RTL1: variants seen among roughly 807,000 people sequenced by gnomAD.
RTL1 encodes retrotransposon Gag like 1, also known as retrotransposon-like protein 1.
For synonymous variants in RTL1, 727 were observed against 748.4 expected (o/e 0.97, Z 0.47); for missense variants, 1,681 against 1,767.5 (o/e 0.95, Z 0.88).
At chr14:100,886,554 A>G (rs146415967) in intron 3 of RTL1, among the ~76,000 whole-genome samples, 2 of 152,318 alleles carry the variant, frequency 1.3e-5, no homozygotes, top group African/African-American at 4.8e-5. Flanking sequence ...AAAGCACAGT[A>G]TACAAATCAG....
chr14:100,884,093 A>G lies in RTL1; in HGVS notation c.696T>C (p.Tyr232=). Residue 232 remains tyrosine, a synonymous_variant, in exon 4 of 4, where the codon TAT becomes TAC. Coordinates refer to ENST00000649591, the MANE Select transcript of RTL1 (RefSeq NM_001134888.3). ...LTLQSYPRMF[Y]NDRLRVGYVI... Reference sequence around the variant, plus strand: ...CATAGCCAACTCTCAGACGGTCGTTATAGAACATTCTTGGGTAGCTCTGTA... The same window carrying G: ...CATAGCCAACTCTCAGACGGTCGTTGTAGAACATTCTTGGGTAGCTCTGTA... 1 of 1,551,706 alleles carries G rather than the reference A, an allele frequency of 6.4e-7. No individual in the cohort carries two copies. The highest frequency in any genetic ancestry group is 8.7e-7 in the Non-Finnish European group (1 of 1,146,990).
chr14:100,894,635 C>T (rs562449836), intron 2 of RTL1: 1 of 152,436 alleles, frequency 6.6e-6, no homozygotes, highest in African/African-American at 2.4e-5. Context: ...GGCAAGGGCT[C>T]AGAGAGGCAA....
rs1171671819 is a variant in RTL1 at position 100,880,988 on chromosome 14, G to A, written c.3801C>T (p.Ala1267=). ...QDKQDNDVQE[A]PPSHTAATHP... Reference sequence around the variant, plus strand: ...GGGTGGCTGCTGTGTGGCTGGGTGGGGCCTCCTGCACGTCGTTGTCCTGCT... The same window carrying A: ...GGGTGGCTGCTGTGTGGCTGGGTGGAGCCTCCTGCACGTCGTTGTCCTGCT... The change falls in exon 4 of 4, where the codon GCC becomes GCT. Residue 1267 remains alanine (A), a synonymous_variant. Transcript: ENST00000649591. The A allele has an allele frequency of 6.4e-7, 1 of 1,561,978 alleles. No homozygotes were observed. The highest frequency in any genetic ancestry group is 1.2e-5 in the South Asian group (1 of 84,824).
chr14:100,892,988 T>G (rs1329563085), intron 3 of RTL1, among the ~76,000 whole-genome samples: 1 of 151,798 alleles, frequency 6.6e-6, no homozygotes, highest in Non-Finnish European at 1.5e-5. Context: ...AAAGCCAGGT[T>G]TCTCCTGGGC....
At position 100,884,894 on chromosome 14, in the gene RTL1, G is replaced by T; in HGVS notation, c.-86-20C>A. The T allele has an allele frequency of 9.3e-7, 1 of 1,074,884 alleles. No individual in the cohort carries two copies. The highest frequency in any genetic ancestry group is 1.3e-6 in the Non-Finnish European group (1 of 753,666). The allele number at this position is 1,074,884 out of a possible 1,614,324, so 66.6% of individuals were successfully genotyped here. On this transcript the variant is annotated intron_variant, in intron 3 of 3. Transcript: ENST00000649591. ...CAGAACCTGGTGGTGGAAGGGGAGT[G>T]TGGGGAGTAAAGGCAGTAGTTTAGG...
Position 100,884,147 on chromosome 14 carries a change from G to A in RTL1, c.642C>T (p.His214=), listed in dbSNP as rs1042185876. The A allele has an allele frequency of 2.3e-5, 35 of 1,551,608 alleles. No homozygotes were observed. The highest frequency in any genetic ancestry group is 2.6e-5 in the Non-Finnish European group (30 of 1,146,994). The part of the protein sequence containing the change: ...KHFSGDRREF[H]EFIVLCQLTL... ...TCAGTTGGCAGAGTACGATGAACTC[G>A]TGGAATTCTCTGCGATCGCCAGAGA... The change falls in exon 4 of 4, where the codon CAC becomes CAT. Residue 214 remains histidine (H), a synonymous_variant. Transcript: ENST00000649591.
In RTL1 at chr14:100,880,035, C is replaced by T. The variant is rs902121550; in HGVS notation, c.*677G>A. The stretch of plus-strand genomic sequence containing the variant: ...GCAAGTCTGGTAAGTGGCACTGGTA[C>T]GTCCGGATGCCCCAAAGAGCGGCTT... On this transcript the variant is annotated 3_prime_UTR_variant, in exon 4 of 4. Transcript: ENST00000649591. Among the ~76,000 whole-genome samples, 5 of 150,088 alleles carry T rather than the reference C, an allele frequency of 3.3e-5. No homozygotes were observed. Among genetic ancestry groups the T allele is most frequent in the East Asian group, 4.0e-4 (2 of 5,036 alleles).
At chr14:100,898,628 T>C (rs572911103) in intron 2 of RTL1, among the ~76,000 whole-genome samples, 19 of 152,356 alleles carry the variant, frequency 1.2e-4, no homozygotes, top group African/African-American at 4.6e-4. Context: ...CCCTCCCCAC[T>C]GGTGTTTACC....
At chr14:100,897,516 A>G (rs936968719) in intron 2 of RTL1, 3 of 152,142 alleles carry the variant, frequency 2.0e-5, no homozygotes, top group African/African-American at 7.2e-5. Flanking sequence ...GCATATGTAG[A>G]TAAATATACC....
At chr14:100,889,135 T>G (rs1201791643) in intron 3 of RTL1, among the ~76,000 whole-genome samples, 1 of 152,236 alleles carries the variant, frequency 6.6e-6, no homozygotes, top group Non-Finnish European at 1.5e-5. Context: ...ATATAAAACT[T>G]TGATCCTGTC....
intron 3 of RTL1, among the ~76,000 whole-genome samples, chr14:100,890,044 T>C (rs2038748517): frequency 7.0e-6 from 1 of 143,864 alleles, no homozygotes; most frequent in East Asian, 2.0e-4. Flanking sequence ...TTAAGAAATA[T>C]CTACTGATTT....
rs370765201 is a variant in RTL1, at chr14:100,884,477, G to A, written c.312C>T (p.Asn104=). The change falls in exon 4 of 4, where the codon AAC becomes AAT. Residue 104 remains asparagine, a synonymous_variant. Coordinates refer to ENST00000649591, the MANE Select transcript of RTL1 (RefSeq NM_001134888.3). ...DLLQDLEESC[N]GSHQARGDPL... ...GATCCCCCCTTGCCTGGTGTGAACC[G>A]TTGCATGACTCCTCCAGGTCTTGGA... 131 of 1,614,052 alleles carry A rather than the reference G, an allele frequency of 8.1e-5. No individual in the cohort carries two copies. Among genetic ancestry groups the A allele is most frequent in the Non-Finnish European group, 1.0e-4 (120 of 1,180,036 alleles).
intron 3 of RTL1, among the ~76,000 whole-genome samples, chr14:100,885,183 C>T (rs965725479): frequency 5.3e-5 from 8 of 152,234 alleles, no homozygotes; most frequent in East Asian, 1.9e-4. Context: ...CCGTGGCAGG[C>T]GGGTACCTGG....
chr14:100,887,736 G>A (rs922563957), intron 3 of RTL1, among the ~76,000 whole-genome samples: 7 of 147,104 alleles, frequency 4.8e-5, no homozygotes, highest in Non-Finnish European at 3.0e-5. Flanking sequence ...GGCAACAGAG[G>A]GAGATTCCCT....
Position 100,884,613 on chromosome 14 carries a change from G to T in RTL1, c.176C>A (p.Pro59His), listed in dbSNP as rs777010884. 1 of 1,613,856 alleles carries T rather than the reference G, an allele frequency of 6.2e-7. No individual in the cohort carries two copies. The highest frequency in any genetic ancestry group is 8.5e-7 in the Non-Finnish European group (1 of 1,179,924). ...SGPAQEKKEP[P>H]SGPLQEMEEL... ...TTCCATTTCCTGGAGTGGGCCACTG[G>T]GGGGCTCCTTCTTTTCCTGGGCTGG... The change falls in exon 4 of 4, where the codon CCC (proline) becomes CAC (histidine). Residue 59 changes from proline (P) to histidine (H), a missense_variant. Pro to His is a moderately conservative substitution (Grantham distance 77, BLOSUM62 -2). Transcript: ENST00000649591.
rs376085745 is a variant in RTL1, at chr14:100,884,442, C to T, written c.347G>A (p.Gly116Glu). ...SHQARGDPLS[G>E]ASDRMKEASV... is the part of the protein sequence containing the mutation. ...TGCTTCTTTCATCCTATCAGATGCT[C>T]CACTGAGTGGATCCCCCCTTGCCTG... Residue 116 changes from glycine (G) to glutamate (E), a missense_variant, in exon 4 of 4, where the codon GGA becomes GAA. Physicochemically the swap from Gly to Glu is moderately conservative, Grantham distance 98. Transcript: ENST00000649591. 1 of 1,613,984 alleles carries T rather than the reference C, an allele frequency of 6.2e-7. No homozygotes were observed. The highest frequency in any genetic ancestry group is 8.5e-7 in the Non-Finnish European group (1 of 1,179,976).
At chr14:100,891,878 C>T (rs959532454) in intron 3 of RTL1, among the ~76,000 whole-genome samples, 2 of 152,180 alleles carry the variant, frequency 1.3e-5, no homozygotes, top group East Asian at 1.9e-4. Flanking sequence ...TGGTGGTCTT[C>T]TCACTGTGCT....
In RTL1 at chr14:100,882,584, G is replaced by C. The variant is rs562436125; in HGVS notation, c.2205C>G (p.Val735=). 1.3e-6 allele frequency: 2 copies of C among 1,551,736 alleles called. No homozygotes were observed. Among genetic ancestry groups the C allele is most frequent in the South Asian group, 2.4e-5 (2 of 84,050 alleles). Residue 735 remains valine, a synonymous_variant, in exon 4 of 4, where the codon GTC becomes GTG. Transcript: ENST00000649591. ...GFFVLSYGQE[V]LIYSMSQEEH... ...CCTCCTGACTCATTGAGTAGATCAG[G>C]ACTTCCTGGCCATAAGAAAGCACAA...
rs1021546488 is a variant in RTL1, at chr14:100,903,248, T to C, written c.-149+43A>G. Among the ~76,000 whole-genome samples the C allele has an allele frequency of 2.0e-5, 3 of 151,988 alleles. No individual in the cohort carries two copies. In the South Asian group the frequency reaches 6.3e-4, roughly 32 times the overall value. On this transcript the variant is annotated intron_variant, in intron 2 of 3. Coordinates refer to ENST00000649591, the MANE Select transcript of RTL1 (RefSeq NM_001134888.3). ...CATCCCATAGACTATGGGACAGACA[T>C]CCATCCATGCACTCATTCTCCAAGC...
Sources: gnomAD v4.1 joint callset for allele counts (sites outside exome capture counted in the v4.1 genomes callset) on GRCh38, gnomAD v4.1.1 for gene constraint, MANE v1.5 for transcripts, NCBI Gene and HGNC (gene_info 2026-07-23, HGNC 2026-07-21) for gene names.